PHF21A: variants seen among roughly 807,000 people sequenced by gnomAD.
The protein encoded by PHF21A is PHD finger protein 21A.
In PHF21A, 11 loss-of-function variants were observed where a neutral mutation model predicts 82.5. That is an observed-to-expected ratio of 0.13 (90% CI 0.08 to 0.22). PHF21A has a LOEUF of 0.22. Ranked by LOEUF, PHF21A falls within the 10% of genes least tolerant of loss-of-function variation. The probability of loss-of-function intolerance (pLI) is 1.00; values close to 1 mark genes in which losing one functional copy is unlikely to be tolerated. For synonymous variants in PHF21A, 297 were observed against 302.8 expected (o/e 0.98, Z 0.20); for missense variants, 579 against 837.8 (o/e 0.69, Z 3.81).
Position 45,946,085 on chromosome 11 carries a change from G to A in PHF21A, c.1289-82C>T, listed in dbSNP as rs759247970. 3 of 1,614,128 alleles carry A rather than the reference G, an allele frequency of 1.9e-6. No individual in the cohort carries two copies. The Admixed American group carries it at 5.0e-5, about 27-fold the overall frequency. ...AAATGATCTTACATACCTTTGGCCAGTGTTCCTCATTGGCTAGCATGGAAA... is the reference window on the plus strand; with the variant it reads ...AAATGATCTTACATACCTTTGGCCAATGTTCCTCATTGGCTAGCATGGAAA... On this transcript the variant is annotated intron_variant, in intron 14 of 18. Coordinates refer to ENST00000676320, the MANE Select transcript of PHF21A (RefSeq NM_001352027.3).
Position 46,084,277 on chromosome 11 carries a change from G to T in PHF21A, c.-58C>A. On this transcript the variant is annotated 5_prime_UTR_variant, in exon 4 of 19. Transcript: ENST00000676320. ...ATAGTTTCTTCAGCCTCTGTTTAAA[G>T]TAACAAACTCCTCTTCTCACTGCAG... 1.5e-6 allele frequency: 2 copies of T among 1,310,890 alleles called. No homozygotes were observed. Among genetic ancestry groups the T allele is most frequent in the Non-Finnish European group, 2.1e-6 (2 of 931,532 alleles). The allele number at this position is 1,310,890 out of a possible 1,614,324, so 81.2% of individuals were successfully genotyped here. A position where few individuals can be genotyped will look rare whatever the true frequency, so the allele number is the denominator to read the frequency against.
chr11:46,078,707 G>A (rs1454913473), intron 5 of PHF21A, among the ~76,000 whole-genome samples: 1 of 151,998 alleles, frequency 6.6e-6, no homozygotes. Flanking sequence ...CCTGAACATG[G>A]AGAATTCAGT....
rs1590854153 is a variant in PHF21A, at chr11:45,933,343, A to C, written c.*625T>G. On this transcript the variant is annotated 3_prime_UTR_variant, in exon 19 of 19. Transcript: ENST00000676320. ...GAACCTACTGGCTGTTCTTGGTGTC[A>C]GTCTCCCCTTGCACGAGGCCCCCGC... 6.5e-6 allele frequency: 1 copy of C among 152,786 alleles called. No homozygotes were observed. The highest frequency in any genetic ancestry group is 1.9e-4 in the East Asian group (1 of 5,182). The allele number at this position is 152,786 out of a possible 1,614,324, so 9.5% of individuals were successfully genotyped here. A position where few individuals can be genotyped will look rare whatever the true frequency, so the allele number is the denominator to read the frequency against.
At chr11:46,026,619 C>T (rs2095751984) in intron 6 of PHF21A, among the ~76,000 whole-genome samples, 1 of 151,804 alleles carries the variant, frequency 6.6e-6, no homozygotes, top group African/African-American at 2.4e-5. Flanking sequence ...CTTTTATAAT[C>T]TGAATTAGAA....
chr11:45,992,518 C>A (rs963726841), intron 6 of PHF21A, among the ~76,000 whole-genome samples: 1 of 152,136 alleles, frequency 6.6e-6, no homozygotes, highest in African/African-American at 2.4e-5. Flanking sequence ...CCAGCCTGAG[C>A]GCTGGGTGAC....
intron 10 of PHF21A, among the ~76,000 whole-genome samples, chr11:45,956,381 T>C (rs930413869): frequency 6.6e-6 from 1 of 152,206 alleles, no homozygotes; most frequent in African/African-American, 2.4e-5. Context: ...TAAGATATAA[T>C]TTGTGACAGT....
chr11:45,947,488 T>A (rs1001394592), intron 14 of PHF21A, among the ~76,000 whole-genome samples: 1 of 152,216 alleles, frequency 6.6e-6, no homozygotes, highest in Non-Finnish European at 1.5e-5. Flanking sequence ...ATGCCTATAG[T>A]ACAAAGACAG....
At chr11:45,959,949 T>A (rs764015682) in intron 10 of PHF21A, among the ~76,000 whole-genome samples, 1 of 152,196 alleles carries the variant, frequency 6.6e-6, no homozygotes, top group Non-Finnish European at 1.5e-5. Context: ...ATGCTCAGCA[T>A]CATTAGTCAT....
intron 3 of PHF21A, among the ~76,000 whole-genome samples, chr11:46,088,411 C>T (rs1340512954): frequency 2.7e-5 from 4 of 150,606 alleles, no homozygotes; most frequent in Non-Finnish European, 5.9e-5. Flanking sequence ...TTTCCAATAA[C>T]AACAACAACA....
At chr11:46,104,230 C>G (rs1205373823) in intron 1 of PHF21A, among the ~76,000 whole-genome samples, 1 of 152,104 alleles carries the variant, frequency 6.6e-6, no homozygotes, top group Non-Finnish European at 1.5e-5. Context: ...TTGTTACACC[C>G]AAGCATGAGT....
At chr11:46,052,778 C>T (rs2096388633) in intron 6 of PHF21A, among the ~76,000 whole-genome samples, 1 of 152,148 alleles carries the variant, frequency 6.6e-6, no homozygotes, top group African/African-American at 2.4e-5. Flanking sequence ...AATATTTTCC[C>T]TTTTACTTCC....
chr11:45,992,974 A>G (rs1005919304), intron 6 of PHF21A, among the ~76,000 whole-genome samples: 6 of 152,244 alleles, frequency 3.9e-5, no homozygotes, highest in African/African-American at 1.4e-4. Flanking sequence ...GCTGTAGAGT[A>G]GAGGTCAGAA....
intron 5 of PHF21A, among the ~76,000 whole-genome samples, chr11:46,078,797 G>A (rs2096757811): frequency 6.6e-6 from 1 of 152,000 alleles, no homozygotes; most frequent in South Asian, 2.1e-4. Context: ...TGGGATGACA[G>A]AAAGCCTCAA....
At position 45,934,179 on chromosome 11, in the gene PHF21A, A is replaced by G. The variant is rs1298933785; in HGVS notation, c.1835T>C (p.Met612Thr). Residue 612 changes from methionine (M) to threonine (T), a missense_variant, in exon 19 of 19, where the codon ATG becomes ACG. This residue lies in a region of PHF21A where 157 missense variants were observed against 149.4 expected (regional missense o/e 1.05). Transcript: ENST00000676320. ...TTTTACCTTCTCCAGGGAGCTGTGC[A>G]TCTCCTTCTGCCGGGCCAGGATGGT... ...KNTILARQKEMHSSLEKVKQL... is the reference protein window; with the variant it reads ...KNTILARQKETHSSLEKVKQL... The G allele has an allele frequency of 6.2e-7, 1 of 1,614,020 alleles. No individual in the cohort carries two copies. The highest frequency in any genetic ancestry group is 8.5e-7 in the Non-Finnish European group (1 of 1,180,006).
chr11:46,054,690 A>G (rs764508240), intron 6 of PHF21A, among the ~76,000 whole-genome samples: 1 of 152,182 alleles, frequency 6.6e-6, no homozygotes, highest in Non-Finnish European at 1.5e-5. Flanking sequence ...TACTCTCACT[A>G]ATATGCCACT....
chr11:46,058,858 G>A (rs1038923976), intron 6 of PHF21A, among the ~76,000 whole-genome samples: 2 of 152,184 alleles, frequency 1.3e-5, no homozygotes, highest in African/African-American at 2.4e-5. Flanking sequence ...TGGGAACTTC[G>A]CAGGGACCAG....
intron 6 of PHF21A, among the ~76,000 whole-genome samples, chr11:46,006,603 C>T (rs2095302254): frequency 6.6e-6 from 1 of 152,214 alleles, no homozygotes; most frequent in Non-Finnish European, 1.5e-5. Flanking sequence ...GAAGTTATGC[C>T]TTAATGAACT....
chr11:46,030,842 T>C (rs55868647), intron 6 of PHF21A, among the ~76,000 whole-genome samples: 41 of 120,682 alleles, frequency 3.4e-4, no homozygotes, highest in African/African-American at 1.1e-3. Flanking sequence ...TGTGTGTGTG[T>C]GTGTGTGTGT....
At chr11:45,998,070 C>T (rs907248601) in intron 6 of PHF21A, among the ~76,000 whole-genome samples, 1 of 152,158 alleles carries the variant, frequency 6.6e-6, no homozygotes, top group Non-Finnish European at 1.5e-5. Flanking sequence ...ATACATGTAC[C>T]ACTGTGGAGA....
Sources: gnomAD v4.1 joint callset for allele counts (sites outside exome capture counted in the v4.1 genomes callset) on GRCh38, gnomAD v4.1.1 for gene constraint, gnomAD v4.1.1 regional missense constraint, MANE v1.5 for transcripts, NCBI Gene and HGNC (gene_info 2026-07-23, HGNC 2026-07-21) for gene names.